TRMT13: variants seen among roughly 807,000 people sequenced by gnomAD.
The protein encoded by TRMT13 is tRNA:m(4)X modification enzyme TRM13 homolog.
Under a neutral mutation model 55.9 loss-of-function variants are expected in TRMT13, and 45 were observed. The ratio of observed to expected loss-of-function variants is 0.80; its 90% CI spans 0.63 to 1.03. The LOEUF (loss-of-function observed/expected upper bound fraction) is 1.03. Among genes scored for constraint, TRMT13 ranks in the 50% least tolerant of loss-of-function variants. TRMT13 has a pLI of 0.00. For synonymous variants in TRMT13, 183 were observed against 196.3 expected (o/e 0.93, Z 0.57); for missense variants, 513 against 563.9 (o/e 0.91, Z 0.91).
At chr1:100,146,627 T>A (rs1657298715) in intron 9 of TRMT13, among the ~76,000 whole-genome samples, 1 of 152,136 alleles carries the variant, frequency 6.6e-6, no homozygotes, top group African/African-American at 2.4e-5. Context: ...TGCCTCAGCC[T>A]CCCGAATTGC....
At chr1:100,136,442 A>G (rs1655876287) in intron 1 of TRMT13, among the ~76,000 whole-genome samples, 1 of 152,230 alleles carries the variant, frequency 6.6e-6, no homozygotes, top group African/African-American at 2.4e-5. Flanking sequence ...CATAAATAAT[A>G]GTGTATATTA....
chr1:100,136,591 T>C lies in TRMT13; in HGVS notation c.148-291T>C, dbSNP rs574333893. ...GTGCATAAAATAGTCATACATATAA[T>C]AGTTGATGCTATCTTAGATTTCAGA... On this transcript the variant is annotated intron_variant, in intron 1 of 10. Coordinates refer to ENST00000370141, the MANE Select transcript of TRMT13 (RefSeq NM_019083.3). Among the ~76,000 whole-genome samples the C allele has an allele frequency of 2.0e-5, 3 of 152,346 alleles. No homozygotes were observed. In the East Asian group the frequency reaches 5.8e-4, roughly 29 times the overall value.
rs144910966 is a variant in TRMT13, at chr1:100,138,599, C to T, written c.262-1050C>T. Among the ~76,000 whole-genome samples the T allele has an allele frequency of 7.2e-5, 11 of 152,290 alleles. No homozygotes were observed. In the East Asian group the frequency reaches 2.1e-3, roughly 29 times the overall value. On this transcript the variant is annotated intron_variant, in intron 3 of 10. Coordinates refer to ENST00000370141, the MANE Select transcript of TRMT13 (RefSeq NM_019083.3). ...CTAGCAACACACAATCAGGATGTTA[C>T]CTTTCTGCCTCCATGTAACAAAAGT...
chr1:100,146,529 G>A (rs912838238), intron 9 of TRMT13, among the ~76,000 whole-genome samples: 12 of 151,016 alleles, frequency 7.9e-5, no homozygotes, highest in Admixed American at 1.3e-4. Flanking sequence ...TCTTCGAGAC[G>A]GAGTCTCGCT....
chr1:100,148,286 G>A lies in TRMT13; in HGVS notation c.1210G>A (p.Gly404Arg). 1 of 1,614,098 alleles carries A rather than the reference G, an allele frequency of 6.2e-7. No homozygotes were observed. Among genetic ancestry groups the A allele is most frequent in the Middle Eastern group, 1.6e-4 (1 of 6,062 alleles). ...NDDSEEHDDG[G>R]YRITDDGADC... is the part of the protein sequence containing the mutation. ...TGATAGTGAAGAGCATGATGATGGA[G>A]GATACAGAATCACAGATGATGGCGC... The change falls in exon 10 of 11, where the codon GGA (glycine) becomes AGA (arginine). Residue 404 changes from glycine (G) to arginine (R), a missense_variant. Physicochemically the swap from Gly to Arg is moderately radical, Grantham distance 125 (BLOSUM62 -2). Around this residue, in one of 3 missense-constraint regions of TRMT13, gnomAD observed 209 missense variants for 255.8 expected, o/e 0.82. Coordinates refer to ENST00000370141, the MANE Select transcript of TRMT13 (RefSeq NM_019083.3).
chr1:100,134,211 C>G (rs1430289765), intron 1 of TRMT13, among the ~76,000 whole-genome samples: 1 of 151,816 alleles, frequency 6.6e-6, no homozygotes, highest in Admixed American at 6.5e-5. Context: ...GATAATTATG[C>G]ATATAAATGT....
rs1295572623 is a variant in TRMT13 at position 100,136,885 on chromosome 1, G to C, written c.151G>C (p.Glu51Gln). The change falls in exon 2 of 11, where the codon GAA becomes CAA. Residue 51 changes from glutamate to glutamine, a missense_variant. By Grantham distance (29) the Glu-to-Gln change is conservative. This residue lies in a region of TRMT13 where 298 missense variants were observed against 290.3 expected (regional missense o/e 1.03). Transcript: ENST00000370141. ...CGEHAGAAEE[E>Q]DARKRILCPL... is the part of the protein sequence containing the mutation. ...AATGTATCTCTTAATTTATTAGGAA[G>C]AAGATGCTCGGAAAAGAATCCTGTG... The C allele has an allele frequency of 6.3e-7, 1 of 1,596,860 alleles. No homozygotes were observed. The highest frequency in any genetic ancestry group is 8.5e-7 in the Non-Finnish European group (1 of 1,174,004).
chr1:100,145,890 G>A (rs1358845969), intron 9 of TRMT13, among the ~76,000 whole-genome samples: 1 of 152,146 alleles, frequency 6.6e-6, no homozygotes, highest in African/African-American at 2.4e-5. Flanking sequence ...ATCAATCTCA[G>A]ACCCATCTGC....
Position 100,147,930 on chromosome 1 carries a change from C to T in TRMT13, c.854C>T (p.Ala285Val), listed in dbSNP as rs1295485968. 1 of 1,610,732 alleles carries T rather than the reference C, an allele frequency of 6.2e-7. No homozygotes were observed. Among genetic ancestry groups the T allele is most frequent in the Admixed American group, 1.7e-5 (1 of 59,386 alleles). ...ALRCLVETYAASFEERNEEPL... is the reference protein window; with the variant it reads ...ALRCLVETYAVSFEERNEEPL... ...CGATGTTTGGTTGAAACCTATGCTGCCAGTTTTGAGGAAAGGAATGAAGAA... is the reference window on the plus strand; with the variant it reads ...CGATGTTTGGTTGAAACCTATGCTGTCAGTTTTGAGGAAAGGAATGAAGAA... The change falls in exon 10 of 11, where the codon GCC becomes GTC. Residue 285 changes from alanine (A) to valine (V), a missense_variant. By Grantham distance (64) the Ala-to-Val change is moderately conservative (BLOSUM62 0). Transcript: ENST00000370141.
Position 100,149,391 on chromosome 1 carries a change from T to C in TRMT13, c.*571T>C. ...CTTCAAATTTCCAGAGCCATACATG[T>C]ATATATTGTCAGAATCTGTCCATGA... is the stretch of plus-strand genomic sequence containing the variant. On this transcript the variant is annotated 3_prime_UTR_variant, in exon 11 of 11. Coordinates refer to ENST00000370141, the MANE Select transcript of TRMT13 (RefSeq NM_019083.3). 6.5e-7 allele frequency: 1 copy of C among 1,546,440 alleles called. No individual in the cohort carries two copies. The highest frequency in any genetic ancestry group is 8.7e-7 in the Non-Finnish European group (1 of 1,145,556).
chr1:100,140,154 C>T (rs1490952609), intron 4 of TRMT13, 28 bp from the exon 5 acceptor site: 2 of 1,542,606 alleles, frequency 1.3e-6, no homozygotes, highest in African/African-American at 1.4e-5. Context: ...TTTTTGGCTA[C>T]ATTATTTAGT....
chr1:100,133,418 C>A, intron 1 of TRMT13, 103 bp downstream of exon 1: 3 of 1,340,448 alleles, frequency 2.2e-6, no homozygotes, highest in South Asian at 2.9e-5. Flanking sequence ...CTGCTTGTGT[C>A]CCCTGGATTC....
chr1:100,140,036 G>A (rs1021408934), intron 4 of TRMT13, 146 bp from the exon 5 acceptor site: 10 of 619,636 alleles, frequency 1.6e-5, no homozygotes, highest in Non-Finnish European at 2.8e-5. Context: ...GGACAATTCT[G>A]ATGGCAGCTT....
At chr1:100,135,354 C>A (rs1433234527) in intron 1 of TRMT13, among the ~76,000 whole-genome samples, 1 of 151,698 alleles carries the variant, frequency 6.6e-6, no homozygotes, top group Non-Finnish European at 1.5e-5. Flanking sequence ...ACAGTATTTT[C>A]TTTTTCTTCT....
intron 8 of TRMT13, 57 bp downstream of exon 8, chr1:100,143,266 G>T: frequency 8.5e-7 from 1 of 1,170,456 alleles, no homozygotes. Context: ...TTTAAACTCT[G>T]AGGTTGCTTA....
intron 9 of TRMT13, among the ~76,000 whole-genome samples, chr1:100,145,303 TA>T (rs1356412266): frequency 6.6e-6 from 1 of 152,204 alleles, no homozygotes; most frequent in Non-Finnish European, 1.5e-5. Context: ...TTGCATACCT[TA>T]TCTCATTTAA....
chr1:100,139,715 A>AGTACATT lies in TRMT13; in HGVS notation c.324+6_324+12dup. On this transcript the variant is annotated splice_donor_region_variant and intron_variant, in intron 4 of 10. Transcript: ENST00000370141. ...AACAGAAATACCTGAACAATTAGTA[A>AGTACATT]GTACATTGACTTAATATTTAATTTT... 1 of 1,481,920 alleles carries AGTACATT rather than the reference A, an allele frequency of 6.7e-7. No individual in the cohort carries two copies. Among genetic ancestry groups the AGTACATT allele is most frequent in the Non-Finnish European group, 9.4e-7 (1 of 1,064,938 alleles). The allele number at this position is 1,481,920 out of a possible 1,614,324, so 91.8% of individuals were successfully genotyped here.
chr1:100,143,360 T>G, intron 8 of TRMT13, 151 bp downstream of exon 8: 1 of 511,028 alleles, frequency 2.0e-6, no homozygotes, highest in Non-Finnish European at 3.4e-6. Flanking sequence ...TATAATGTTT[T>G]TAAATAGATG....
At chr1:100,144,015 C>T in intron 8 of TRMT13, 54 bp from the exon 9 acceptor site, 2 of 1,447,960 alleles carry the variant, frequency 1.4e-6, no homozygotes, top group East Asian at 4.6e-5. Context: ...TTTGGAAGGC[C>T]ACATTAATAT....
Sources: gnomAD v4.1 joint callset for allele counts (sites outside exome capture counted in the v4.1 genomes callset) on GRCh38, gnomAD v4.1.1 for gene constraint, gnomAD v4.1.1 regional missense constraint, MANE v1.5 for transcripts, NCBI Gene and HGNC (gene_info 2026-07-23, HGNC 2026-07-21) for gene names.